The following IMMP2L variants were observed in gnomAD, a reference collection of about 807,000 sequenced individuals.
The protein encoded by IMMP2L is inner mitochondrial membrane peptidase subunit 2, also known as mitochondrial inner membrane protease subunit 2.
A neutral mutation model predicts 19.3 loss-of-function variants in IMMP2L; 18 were observed. The ratio of observed to expected loss-of-function variants is 0.93; its 90% CI spans 0.64 to 1.38. The LOEUF (loss-of-function observed/expected upper bound fraction) is 1.38, where lower values mean the gene tolerates loss of function less well. IMMP2L is among the 40% of genes most tolerant of loss of function. The probability of loss-of-function intolerance (pLI) is 0.00; values close to 1 mark genes in which losing one functional copy is unlikely to be tolerated. For missense variants in IMMP2L, 233 were observed against 218.2 expected (o/e 1.07, Z -0.43); for synonymous variants, 76 against 73.0 (o/e 1.04, Z -0.21).
chr7:110,696,705 C>T (rs995785723), intron 5 of IMMP2L, among the ~76,000 whole-genome samples: 2 of 151,996 alleles, frequency 1.3e-5, no homozygotes, highest in Non-Finnish European at 2.9e-5. Flanking sequence ...GGATTATAGG[C>T]GTGAGCCACT....
chr7:111,537,444 C>G (rs1249915451), intron 1 of IMMP2L, among the ~76,000 whole-genome samples: 1 of 151,122 alleles, frequency 6.6e-6, no homozygotes, highest in Non-Finnish European at 1.5e-5. Flanking sequence ...AATAACTCCT[C>G]ATTTTCTATA....
At chr7:111,465,073 G>C (rs371622471) in intron 3 of IMMP2L, among the ~76,000 whole-genome samples, 56 of 152,114 alleles carry the variant, frequency 3.7e-4, no homozygotes, top group African/African-American at 1.3e-3. Context: ...GGGATTACAG[G>C]TGTGAGCCAC....
intron 3 of IMMP2L, among the ~76,000 whole-genome samples, chr7:111,058,403 G>A (rs1586006802): frequency 2.0e-5 from 3 of 152,074 alleles, no homozygotes; most frequent in Admixed American, 1.3e-4. Context: ...AGATTTAAAA[G>A]AGCAAACAAT....
intron 5 of IMMP2L, among the ~76,000 whole-genome samples, chr7:110,814,936 G>A (rs1198151181): frequency 1.3e-5 from 2 of 151,936 alleles, no homozygotes; most frequent in Non-Finnish European, 2.9e-5. Context: ...ACACATGGTA[G>A]TTTTCTTTTA....
At chr7:110,896,406 T>C (rs1811324864) in intron 4 of IMMP2L, among the ~76,000 whole-genome samples, 1 of 152,206 alleles carries the variant, frequency 6.6e-6, no homozygotes, top group African/African-American at 2.4e-5. Context: ...CATTATTCTA[T>C]GGATGACTTC....
intron 5 of IMMP2L, among the ~76,000 whole-genome samples, chr7:110,885,118 T>C (rs1585136963): frequency 6.6e-6 from 1 of 152,086 alleles, no homozygotes; most frequent in Non-Finnish European, 1.5e-5. Flanking sequence ...TATTAACTTA[T>C]ACAAGTTGAA....
At chr7:110,901,758 T>G (rs1334659188) in intron 4 of IMMP2L, among the ~76,000 whole-genome samples, 1 of 152,174 alleles carries the variant, frequency 6.6e-6, no homozygotes, top group Non-Finnish European at 1.5e-5. Context: ...TATTTTGTCT[T>G]GCATATTTAG....
chr7:111,538,633 TAAAAA>T (rs34613701), intron 1 of IMMP2L, among the ~76,000 whole-genome samples: 1 of 97,226 alleles, frequency 1.0e-5, no homozygotes, highest in African/African-American at 4.2e-5. Flanking sequence ...ACCCTGTCTC[TAAAAA>T]AAAAAAAAAA....
intron 3 of IMMP2L, among the ~76,000 whole-genome samples, chr7:111,463,072 A>G (rs868237313): frequency 6.6e-6 from 1 of 152,068 alleles, no homozygotes; most frequent in Admixed American, 6.6e-5. Context: ...TGAAGGCAGT[A>G]AGGAAGGATC....
At chr7:111,397,126 A>G (rs994145300) in intron 3 of IMMP2L, among the ~76,000 whole-genome samples, 3 of 152,050 alleles carry the variant, frequency 2.0e-5, no homozygotes, top group Non-Finnish European at 4.4e-5. Flanking sequence ...TAAGAAAATA[A>G]AATCACTTAT....
intron 5 of IMMP2L, among the ~76,000 whole-genome samples, chr7:110,689,941 T>C (rs1283624737): frequency 2.6e-5 from 4 of 152,186 alleles, no homozygotes. Flanking sequence ...AAATTCACAG[T>C]ATATATCTTT....
intron 3 of IMMP2L, among the ~76,000 whole-genome samples, chr7:111,269,902 T>G (rs937898866): frequency 6.6e-6 from 1 of 152,162 alleles, no homozygotes; most frequent in African/African-American, 2.4e-5. Flanking sequence ...CTTATCATGT[T>G]CTGATTTGAG....
intron 2 of IMMP2L, among the ~76,000 whole-genome samples, chr7:111,502,541 C>T (rs970667349): frequency 5.3e-5 from 8 of 152,104 alleles, no homozygotes; most frequent in African/African-American, 7.2e-5. Flanking sequence ...CCACACCACA[C>T]CTATTCCAAA....
At chr7:111,319,742 T>C (rs1326371485) in intron 3 of IMMP2L, among the ~76,000 whole-genome samples, 1 of 151,926 alleles carries the variant, frequency 6.6e-6, no homozygotes, top group South Asian at 2.1e-4. Flanking sequence ...GCATAACATA[T>C]AGTATGAAAC....
chr7:111,373,793 C>T (rs1370318337), intron 3 of IMMP2L, among the ~76,000 whole-genome samples: 3 of 151,754 alleles, frequency 2.0e-5, no homozygotes, highest in East Asian at 3.9e-4. Context: ...CTCATAAATC[C>T]CACTCACTCT....
At chr7:111,122,714 A>T in intron 3 of IMMP2L, 1 of 1,338,206 alleles carries the variant, frequency 7.5e-7, no homozygotes, top group Non-Finnish European at 1.0e-6. Context: ...TATTGAACTT[A>T]CTAGCACTGA....
chr7:111,016,767 T>A (rs1490318256), intron 3 of IMMP2L, among the ~76,000 whole-genome samples: 1 of 94,090 alleles, frequency 1.1e-5, no homozygotes, highest in Non-Finnish European at 1.9e-5. Context: ...ATATAGTTTA[T>A]ATATGCATAT....
intron 3 of IMMP2L, among the ~76,000 whole-genome samples, chr7:111,309,264 CTAGT>C (rs1468211183): frequency 6.6e-6 from 1 of 152,058 alleles, no homozygotes; most frequent in Non-Finnish European, 1.5e-5. Context: ...TGGAAACACA[CTAGT>C]AAGAATTCTA....
At chr7:111,457,539 T>C (rs1839781464) in intron 3 of IMMP2L, among the ~76,000 whole-genome samples, 1 of 152,196 alleles carries the variant, frequency 6.6e-6, no homozygotes, top group African/African-American at 2.4e-5. Context: ...GTATACAAGA[T>C]ACTGAAACAT....
Sources: allele counts gnomAD v4.1 joint callset (sites outside exome capture counted in the v4.1 genomes callset), GRCh38; gene constraint gnomAD v4.1.1; transcripts MANE v1.5; gene names NCBI Gene and HGNC (gene_info 2026-07-23, HGNC 2026-07-21).